Variants in RALYL observed in about 807,000 individuals in gnomAD.
RALYL encodes RNA-binding Raly-like protein.
In RALYL, 29 loss-of-function variants were observed where a neutral mutation model predicts 35.1. The ratio of observed to expected loss-of-function variants is 0.83; its 90% CI spans 0.61 to 1.13. The LOEUF (loss-of-function observed/expected upper bound fraction) is 1.13. Ranked by LOEUF, RALYL falls within the 50% of genes most tolerant of loss-of-function variation. RALYL has a pLI of 0.00. For missense variants in RALYL, 359 were observed against 360.4 expected (o/e 1.00, Z 0.03); for synonymous variants, 120 against 127.6 (o/e 0.94, Z 0.40).
At chr8:84,355,561 T>C (rs1434753838) in intron 1 of RALYL, among the ~76,000 whole-genome samples, 1 of 150,526 alleles carries the variant, frequency 6.6e-6, no homozygotes, top group African/African-American at 2.5e-5. Context: ...TATCTTTTTC[T>C]AAGAGGACCA....
At chr8:84,325,989 G>T (rs747927290) in intron 1 of RALYL, among the ~76,000 whole-genome samples, 14 of 152,232 alleles carry the variant, frequency 9.2e-5, no homozygotes, top group Non-Finnish European at 1.6e-4. Flanking sequence ...GCCCATGCCT[G>T]TGGTCTCAGC....
At chr8:84,349,101 G>A (rs1301580080) in intron 1 of RALYL, among the ~76,000 whole-genome samples, 1 of 150,014 alleles carries the variant, frequency 6.7e-6, no homozygotes, top group Non-Finnish European at 1.5e-5. Flanking sequence ...CCATTCAGAG[G>A]CAATTTTTCT....
chr8:84,437,507 C>T (rs1280371435), intron 1 of RALYL, among the ~76,000 whole-genome samples: 1 of 152,180 alleles, frequency 6.6e-6, no homozygotes. Flanking sequence ...TTTGCAGCCT[C>T]ACCAGCATCT....
In RALYL at chr8:84,261,279, CG is replaced by C. The variant is rs1450144056; in HGVS notation, c.-24+76856del. Among the ~76,000 whole-genome samples the C allele has an allele frequency of 2.3e-5, 3 of 128,280 alleles. No individual in the cohort carries two copies. The Admixed American group carries it at 2.5e-4, about 11-fold the overall frequency. The allele number at this position is 128,280 out of a possible 152,430, so 84.2% of individuals were successfully genotyped here. Reference sequence around the variant, plus strand: ...CAATATTGATAGAGTTTGGCTGTGTCGCCACAAAAATCTCATCTTTAATTGT... The same window carrying C: ...CAATATTGATAGAGTTTGGCTGTGTCCCACAAAAATCTCATCTTTAATTGT... On this transcript the variant is annotated intron_variant, in intron 1 of 8. Transcript: ENST00000521268.
At chr8:84,662,417 T>G (rs1831113049) in intron 2 of RALYL, among the ~76,000 whole-genome samples, 1 of 152,218 alleles carries the variant, frequency 6.6e-6, no homozygotes, top group African/African-American at 2.4e-5. Context: ...AATTTAATAA[T>G]GATTTTATGA....
intron 1 of RALYL, among the ~76,000 whole-genome samples, chr8:84,246,620 G>T (rs1422234342): frequency 2.0e-5 from 3 of 152,080 alleles, no homozygotes; most frequent in Non-Finnish European, 4.4e-5. Flanking sequence ...AAGCGCCTGT[G>T]GATAAATGAT....
intron 1 of RALYL, among the ~76,000 whole-genome samples, chr8:84,220,482 A>G (rs1821932303): frequency 6.6e-6 from 1 of 152,066 alleles, no homozygotes; most frequent in Non-Finnish European, 1.5e-5. Flanking sequence ...AGTTTGTCCT[A>G]GAAATGATTG....
intron 2 of RALYL, among the ~76,000 whole-genome samples, chr8:84,688,762 G>C (rs374755047): frequency 6.6e-6 from 1 of 151,926 alleles, no homozygotes; most frequent in East Asian, 1.9e-4. Context: ...TCACAGCAAG[G>C]GAAACAATCA....
intron 1 of RALYL, among the ~76,000 whole-genome samples, chr8:84,503,720 G>T (rs977812011): frequency 2.0e-5 from 3 of 151,730 alleles, no homozygotes; most frequent in African/African-American, 7.3e-5. Flanking sequence ...GTGGTGGCAG[G>T]TGCCTATAAT....
At chr8:84,773,224 G>A (rs369771321) in intron 2 of RALYL, among the ~76,000 whole-genome samples, 1 of 152,276 alleles carries the variant, frequency 6.6e-6, no homozygotes, top group South Asian at 2.1e-4. Flanking sequence ...TTCCACTCAG[G>A]TGGAATGTTC....
At chr8:84,195,536 G>C (rs184858383) in intron 1 of RALYL, among the ~76,000 whole-genome samples, 1 of 152,210 alleles carries the variant, frequency 6.6e-6, no homozygotes, top group African/African-American at 2.4e-5. Flanking sequence ...TATGTGAAAA[G>C]TGACAATGCA....
intron 1 of RALYL, among the ~76,000 whole-genome samples, chr8:84,366,133 A>C (rs1481022094): frequency 6.6e-6 from 1 of 152,080 alleles, no homozygotes; most frequent in Non-Finnish European, 1.5e-5. Flanking sequence ...ATTAACTGTA[A>C]TTTTCAGATT....
chr8:84,555,370 T>C (rs1588152839), intron 2 of RALYL, among the ~76,000 whole-genome samples: 1 of 152,256 alleles, frequency 6.6e-6, no homozygotes, highest in East Asian at 1.9e-4. Flanking sequence ...AGACAGTAAT[T>C]TCCATGACAA....
intron 2 of RALYL, among the ~76,000 whole-genome samples, chr8:84,660,688 A>G (rs1830736140): frequency 6.6e-6 from 1 of 151,792 alleles, no homozygotes; most frequent in African/African-American, 2.4e-5. Flanking sequence ...GGAGGATTCT[A>G]TTTTTAAAAT....
chr8:84,478,022 A>C (rs1283003619), intron 1 of RALYL, among the ~76,000 whole-genome samples: 1 of 152,126 alleles, frequency 6.6e-6, no homozygotes, highest in East Asian at 1.9e-4. Flanking sequence ...TCAGAAGTCA[A>C]ACAGTATTTT....
chr8:84,509,076 C>CA lies in RALYL; in HGVS notation c.-23-20217dup, dbSNP rs1278680928. ...CATGTTGACTACATACATATTATAT[C>CA]AAAAAAGATATTCTATTGGAGAAAG... On this transcript the variant is annotated intron_variant, in intron 1 of 8. Transcript: ENST00000521268. 8.5e-5 allele frequency among the ~76,000 whole-genome samples: 13 copies of CA among 152,054 alleles called. No individual in the cohort carries two copies. The South Asian group carries it at 2.1e-3, about 24-fold the overall frequency.
In RALYL at chr8:84,406,611, C is replaced by G. The variant is rs1253907511; in HGVS notation, c.-23-122688C>G. Reference sequence around the variant, plus strand: ...TTTGATATAACCATTTTGAATAAACCATTTACACAAACATACGCATACAAC... The same window carrying G: ...TTTGATATAACCATTTTGAATAAACGATTTACACAAACATACGCATACAAC... On this transcript the variant is annotated intron_variant, in intron 1 of 8. Transcript: ENST00000521268. Among the ~76,000 whole-genome samples the G allele has an allele frequency of 3.3e-5, 5 of 151,808 alleles. No homozygotes were observed. In the East Asian group the frequency reaches 9.7e-4, roughly 29 times the overall value.
chr8:84,403,378 G>A (rs1348927635), intron 1 of RALYL, among the ~76,000 whole-genome samples: 1 of 151,952 alleles, frequency 6.6e-6, no homozygotes, highest in Admixed American at 6.6e-5. Context: ...TCTACATATG[G>A]CTAGCCAGTT....
chr8:84,350,811 C>G (rs1287767372), intron 1 of RALYL, among the ~76,000 whole-genome samples: 1 of 150,104 alleles, frequency 6.7e-6, no homozygotes, highest in Non-Finnish European at 1.5e-5. Flanking sequence ...GGATTTGGAG[C>G]ACTATTTGAA....
Sources: gnomAD v4.1 joint callset for allele counts (sites outside exome capture counted in the v4.1 genomes callset) on GRCh38, gnomAD v4.1.1 for gene constraint, MANE v1.5 for transcripts, NCBI Gene and HGNC (gene_info 2026-07-23, HGNC 2026-07-21) for gene names.